DSTYK: variants seen among roughly 807,000 people sequenced by gnomAD.
The protein encoded by DSTYK is dual serine/threonine and tyrosine protein kinase, also known as RIP-homologous kinase.
A neutral mutation model predicts 98.7 loss-of-function variants in DSTYK; 34 were observed. The observed-to-expected ratio is 0.34, with a 90% CI of 0.26 to 0.46. DSTYK has a LOEUF of 0.46. DSTYK is among the 20% of genes least tolerant of loss of function. The pLI is 1.00. For synonymous variants in DSTYK, 462 were observed against 457.3 expected (o/e 1.01, Z -0.13); for missense variants, 962 against 1,181.7 (o/e 0.81, Z 2.73).
chr1:205,150,795 C>A lies in DSTYK; in HGVS notation c.2353-1G>T, dbSNP rs765904593. 3 of 1,613,692 alleles carry A rather than the reference C, an allele frequency of 1.9e-6. No individual in the cohort carries two copies. Among genetic ancestry groups the A allele is most frequent in the Non-Finnish European group, 2.5e-6 (3 of 1,179,624 alleles). On this transcript the variant is annotated splice_acceptor_variant, in intron 10 of 12. Transcript: ENST00000367162. LOFTEE classifies it high-confidence loss of function. This position sits in a 1 kb window ranked among gnomAD's most constrained non-coding sequence, Gnocchi z 4.1. ...TCTTGGCACGGTTCTGCTTATCCAGCTGCCAACAAAGCAGGGCAAGAGTCA... is the reference window on the plus strand; with the variant it reads ...TCTTGGCACGGTTCTGCTTATCCAGATGCCAACAAAGCAGGGCAAGAGTCA...
At chr1:205,179,895 G>A (rs1658345937) in intron 2 of DSTYK, among the ~76,000 whole-genome samples, 1 of 152,094 alleles carries the variant, frequency 6.6e-6, no homozygotes, top group South Asian at 2.1e-4. Context: ...CCTCTACTCA[G>A]AAGGAAACAA....
At chr1:205,172,442 G>C (rs1658092859) in intron 2 of DSTYK, among the ~76,000 whole-genome samples, 1 of 150,340 alleles carries the variant, frequency 6.7e-6, no homozygotes, top group Non-Finnish European at 1.5e-5. Flanking sequence ...TGATACTACA[G>C]GTGTGAGCCA....
intron 1 of DSTYK, among the ~76,000 whole-genome samples, chr1:205,193,510 G>A (rs1232493038): frequency 6.6e-6 from 1 of 152,062 alleles, no homozygotes; most frequent in Admixed American, 6.6e-5. Context: ...CCTCCTGTCT[G>A]CCTCCCCTTT....
chr1:205,150,690 T>A lies in DSTYK; in HGVS notation c.2457A>T (p.Glu819Asp). The A allele has an allele frequency of 6.2e-7, 1 of 1,613,696 alleles. No individual in the cohort carries two copies. The highest frequency in any genetic ancestry group is 8.5e-7 in the Non-Finnish European group (1 of 1,179,862). Residue 819 changes from glutamate to aspartate, a missense_variant, in exon 11 of 13, where the codon GAA becomes GAT. This residue lies in a region of DSTYK where 69 missense variants were observed against 142.9 expected (regional missense o/e 0.48). Transcript: ENST00000367162. The surrounding 1 kb of genome is among the most constrained non-coding windows in gnomAD (Gnocchi z 4.1). Reference sequence around the variant, plus strand: ...GCCCTCCAGCCTTACCTGTGAAAAGTTCAGGGGCCATATGGATTGGTGTCC... The same window carrying A: ...GCCCTCCAGCCTTACCTGTGAAAAGATCAGGGGCCATATGGATTGGTGTCC... ...IVGTPIHMAP[E>D]LFTGKYDNSV...
intron 12 of DSTYK, 65 bp downstream of exon 12, chr1:205,148,140 C>T: frequency 6.3e-7 from 1 of 1,599,554 alleles, no homozygotes; most frequent in East Asian, 2.2e-5. Flanking sequence ...GACCCGGTGA[C>T]ATTGCCTGGG....
At chr1:205,159,744 A>T in intron 8 of DSTYK, 65 bp from the exon 9 acceptor site, 1 of 1,596,796 alleles carries the variant, frequency 6.3e-7, no homozygotes. Context: ...CCATGCCACA[A>T]TGTATGAGAC....
Position 205,156,221 on chromosome 1 carries a change from T to C in DSTYK, c.2352+1052A>G, listed in dbSNP as rs529661932. Among the ~76,000 whole-genome samples the C allele has an allele frequency of 3.3e-5, 5 of 152,312 alleles. No homozygotes were observed. In the East Asian group the frequency reaches 5.8e-4, roughly 18 times the overall value. On this transcript the variant is annotated intron_variant, in intron 10 of 12. Transcript: ENST00000367162. Reference sequence around the variant, plus strand: ...TGGAGCCCCCACAGAAAGTCCCCACTGGGACACTGCCTAGTGGAGCTGTGA... The same window carrying C: ...TGGAGCCCCCACAGAAAGTCCCCACCGGGACACTGCCTAGTGGAGCTGTGA...
At chr1:205,186,607 G>A (rs1481314617) in intron 2 of DSTYK, among the ~76,000 whole-genome samples, 2 of 152,090 alleles carry the variant, frequency 1.3e-5, no homozygotes. Context: ...GAGTATGGCT[G>A]AATTATTTTA....
At chr1:205,153,867 C>CT (rs771169377) in intron 10 of DSTYK, among the ~76,000 whole-genome samples, 13,675 of 132,566 alleles carry the variant, frequency 0.1, 1,370 homozygotes, top group African/African-American at 0.26. Flanking sequence ...GCCTGGCTAA[C>CT]TTTTTTTTTT....
intron 2 of DSTYK, among the ~76,000 whole-genome samples, chr1:205,181,653 G>GGGGGGTGTGT (rs758360038): frequency 3.6e-5 from 3 of 83,962 alleles, no homozygotes; most frequent in Non-Finnish European, 6.2e-5. Context: ...CAGATGTTGG[G>GGGGGGTGTGT]GTTTGTGTGT....
At chr1:205,185,389 T>A (rs1558618411) in intron 2 of DSTYK, among the ~76,000 whole-genome samples, 2 of 151,896 alleles carry the variant, frequency 1.3e-5, no homozygotes, top group Non-Finnish European at 2.9e-5. Flanking sequence ...TTATTATTAT[T>A]TTTTTTAGAG....
At chr1:205,155,416 T>C (rs12728202) in intron 10 of DSTYK, among the ~76,000 whole-genome samples, 129,481 of 151,882 alleles carry the variant, frequency 0.85, 55,423 homozygotes, top group East Asian at 1. Context: ...CGCCTAAAAT[T>C]CCAGCACTTT....
chr1:205,156,380 C>T (rs1042286365), intron 10 of DSTYK, among the ~76,000 whole-genome samples: 1 of 152,228 alleles, frequency 6.6e-6, no homozygotes, highest in African/African-American at 2.4e-5. Context: ...CCTGCAAAGC[C>T]ACAGGTGTGA....
Position 205,143,833 on chromosome 1 carries a change from T to G in DSTYK, c.*3725A>C, listed in dbSNP as rs1657143117. The G allele has an allele frequency of 6.6e-6, 1 of 152,554 alleles. No homozygotes were observed. The highest frequency in any genetic ancestry group is 1.5e-5 in the Non-Finnish European group (1 of 68,030). 9.5% of individuals were successfully genotyped at this position (152,554 alleles called of 1,614,324 possible). On this transcript the variant is annotated 3_prime_UTR_variant, in exon 13 of 13. Transcript: ENST00000367162. ...GAGTTCTATGAGTCCCCTATTTCTA[T>G]CTGTGGTAGTAATGCATTCTTTCCT... is the stretch of plus-strand genomic sequence containing the variant.
At chr1:205,162,792 C>T in intron 5 of DSTYK, 131 bp downstream of exon 5, 1 of 686,414 alleles carries the variant, frequency 1.5e-6, no homozygotes, top group Non-Finnish European at 2.6e-6. Context: ...TTCTCCCAGG[C>T]AGGCAAACCA....
chr1:205,177,323 C>A (rs547316943), intron 2 of DSTYK, among the ~76,000 whole-genome samples: 1 of 152,298 alleles, frequency 6.6e-6, no homozygotes, highest in East Asian at 1.9e-4. Context: ...CAGGTTCACA[C>A]ACAACTATAT....
chr1:205,150,847 C>G lies in DSTYK; in HGVS notation c.2353-53G>C. The stretch of plus-strand genomic sequence containing the variant: ...CTTGTTTCTGATCCTGCACACAGCA[C>G]TGCTGCGTACCTAAGCTCAAAGGTA... On this transcript the variant is annotated intron_variant, in intron 10 of 12. Coordinates refer to ENST00000367162, the MANE Select transcript of DSTYK (RefSeq NM_015375.3). The surrounding 1 kb of genome is among the most constrained non-coding windows in gnomAD (Gnocchi z 4.1). 7 of 1,378,856 alleles carry G rather than the reference C, an allele frequency of 5.1e-6. No individual in the cohort carries two copies. Among genetic ancestry groups the G allele is most frequent in the Non-Finnish European group, 7.2e-6 (7 of 966,808 alleles). 85.4% of individuals were successfully genotyped at this position (1,378,856 alleles called of 1,614,324 possible).
At position 205,150,703 on chromosome 1, in the gene DSTYK, T is replaced by C. The variant is rs1408049886; in HGVS notation, c.2444A>G (p.His815Arg). 2 of 1,613,960 alleles carry C rather than the reference T, an allele frequency of 1.2e-6. No individual in the cohort carries two copies. The change falls in exon 11 of 13, where the codon CAT becomes CGT. Residue 815 changes from histidine (H) to arginine (R), a missense_variant. This residue lies in a region of DSTYK where 69 missense variants were observed against 142.9 expected (regional missense o/e 0.48). Transcript: ENST00000367162. The surrounding 1 kb of genome is among the most constrained non-coding windows in gnomAD (Gnocchi z 4.1). ...MSGSIVGTPI[H>R]MAPELFTGKY... is the part of the protein sequence containing the mutation. ...ACCTGTGAAAAGTTCAGGGGCCATA[T>C]GGATTGGTGTCCCCACAATGCTGCC...
chr1:205,174,543 C>T (rs988538560), intron 2 of DSTYK, among the ~76,000 whole-genome samples: 4 of 145,662 alleles, frequency 2.7e-5, no homozygotes, highest in Non-Finnish European at 6.0e-5. Flanking sequence ...ATTAGCTGGG[C>T]ATGGTGGCAT....
Sources: gnomAD v4.1 joint callset for allele counts (sites outside exome capture counted in the v4.1 genomes callset) on GRCh38, gnomAD v4.1.1 for gene constraint, gnomAD v4.1.1 regional missense constraint, Gnocchi (gnomAD v3.1) non-coding constraint, MANE v1.5 for transcripts, NCBI Gene and HGNC (gene_info 2026-07-23, HGNC 2026-07-21) for gene names.